MKLN1: variants seen among roughly 807,000 people sequenced by gnomAD.
MKLN1 encodes the protein muskelin 1, also known as muskelin.
Under a neutral mutation model 99.0 loss-of-function variants are expected in MKLN1, and 18 were observed. The observed-to-expected ratio is 0.18, with a 90% CI of 0.13 to 0.27. The LOEUF is 0.27. Ranked by LOEUF, MKLN1 falls within the 10% of genes least tolerant of loss-of-function variation. MKLN1 has a pLI of 1.00. For synonymous variants in MKLN1, 288 were observed against 293.2 expected (o/e 0.98, Z 0.18); for missense variants, 621 against 875.9 (o/e 0.71, Z 3.67).
chr7:131,282,212 G>A (rs571126990), intron 3 of MKLN1, among the ~76,000 whole-genome samples: 20 of 152,166 alleles, frequency 1.3e-4, no homozygotes, highest in Admixed American at 7.2e-4. Context: ...AGCTGGGCAT[G>A]GTGGCGCATG....
intron 17 of MKLN1, among the ~76,000 whole-genome samples, chr7:131,486,459 C>A (rs1054417926): frequency 6.6e-6 from 1 of 152,050 alleles, no homozygotes; most frequent in Non-Finnish European, 1.5e-5. Flanking sequence ...ATGTGCTGTT[C>A]TTGAGGTATT....
Position 131,492,220 on chromosome 7 carries a change from T to C in MKLN1, c.*4492T>C, listed in dbSNP as rs1797442525. ...TCCATTTACCTTTTGTCTTTTCTTT[T>C]TATTGTATTTTTTAACCTTTTTGTT... On this transcript the variant is annotated 3_prime_UTR_variant, in exon 18 of 18. Coordinates refer to ENST00000352689, the MANE Select transcript of MKLN1 (RefSeq NM_013255.5). 6.6e-6 allele frequency: 1 copy of C among 152,182 alleles called. No individual in the cohort carries two copies. The highest frequency in any genetic ancestry group is 2.1e-4 in the South Asian group (1 of 4,826). The allele number at this position is 152,182 out of a possible 1,614,324, so 9.4% of individuals were successfully genotyped here. A position where few individuals can be genotyped will look rare whatever the true frequency, so the allele number is the denominator to read the frequency against.
chr7:131,225,070 CAAAA>C (rs151006219), intron 3 of MKLN1, among the ~76,000 whole-genome samples: 3 of 102,570 alleles, frequency 2.9e-5, no homozygotes, highest in African/African-American at 7.2e-5. Flanking sequence ...GACTGTGTCT[CAAAA>C]AAAAAAAAAA....
chr7:131,282,627 CCTT>C (rs1156672780), intron 3 of MKLN1, among the ~76,000 whole-genome samples: 4 of 151,952 alleles, frequency 2.6e-5, no homozygotes, highest in Admixed American at 6.6e-5. Context: ...TCCTTCCCTT[CCTT>C]CTTTCTCCCC....
At chr7:131,188,373 T>C (rs1796483754) in intron 2 of MKLN1, among the ~76,000 whole-genome samples, 1 of 152,280 alleles carries the variant, frequency 6.6e-6, no homozygotes. Context: ...TGAGAGGTTC[T>C]GCTGATCTGG....
intron 4 of MKLN1, among the ~76,000 whole-genome samples, chr7:131,396,709 A>G (rs1794373158): frequency 6.6e-6 from 1 of 152,206 alleles, no homozygotes; most frequent in Non-Finnish European, 1.5e-5. Flanking sequence ...TTATATTAAT[A>G]TAGCTCCTAT....
At chr7:131,467,099 C>T (rs918355364) in intron 15 of MKLN1, among the ~76,000 whole-genome samples, 18 of 152,112 alleles carry the variant, frequency 1.2e-4, no homozygotes, top group African/African-American at 4.3e-4. Context: ...TGCTTATAAT[C>T]CCAGCACTTT....
At chr7:131,364,187 GT>G (rs1477540331) in intron 1 of MKLN1, among the ~76,000 whole-genome samples, 1 of 151,962 alleles carries the variant, frequency 6.6e-6, no homozygotes, top group African/African-American at 2.4e-5. Context: ...TTGAATTATA[GT>G]CTTTTAAGAA....
chr7:131,297,168 T>C (rs536529922), intron 3 of MKLN1, among the ~76,000 whole-genome samples: 5 of 152,228 alleles, frequency 3.3e-5, no homozygotes, highest in Admixed American at 3.3e-4. Context: ...GAGAACAGCC[T>C]AGCTAACACG....
chr7:131,357,906 C>T lies in MKLN1; in HGVS notation c.99-17518C>T, dbSNP rs113293045. The stretch of plus-strand genomic sequence containing the variant: ...TTCGGGGGTTTTGTTTCTTTTAGTC[C>T]CTCTCATTAACCTTATATCCTGAAA... On this transcript the variant is annotated intron_variant, in intron 1 of 17. Coordinates refer to ENST00000352689, the MANE Select transcript of MKLN1 (RefSeq NM_013255.5). Among the ~76,000 whole-genome samples the T allele has an allele frequency of 4.9e-3, 744 of 152,102 alleles. 6 individuals are homozygous for T. The highest frequency in any genetic ancestry group is 0.017 in the African/African-American group (710 of 41,476).
intron 12 of MKLN1, among the ~76,000 whole-genome samples, chr7:131,448,072 C>T (rs1360906359): frequency 6.6e-6 from 1 of 152,004 alleles, no homozygotes; most frequent in Non-Finnish European, 1.5e-5. Flanking sequence ...ACTAAAAATA[C>T]AAAAAATTAG....
intron 3 of MKLN1, among the ~76,000 whole-genome samples, chr7:131,260,279 A>G (rs970168819): frequency 9.2e-5 from 14 of 152,092 alleles, no homozygotes; most frequent in Non-Finnish European, 1.6e-4. Context: ...TCCTGAGCTC[A>G]AGCAATCCAT....
intron 1 of MKLN1, among the ~76,000 whole-genome samples, chr7:131,131,051 C>CAAAAAA (rs35397071): frequency 3.1e-5 from 2 of 65,326 alleles, no homozygotes; most frequent in African/African-American, 6.7e-5. Context: ...GACCCTGTCT[C>CAAAAAA]AAAAAAAAAA....
chr7:131,153,669 T>TTG (rs1226529089), intron 2 of MKLN1, among the ~76,000 whole-genome samples: 2 of 147,844 alleles, frequency 1.4e-5, no homozygotes, highest in Non-Finnish European at 3.0e-5. Flanking sequence ...TTTTGGTTTT[T>TTG]TTTTTTTTTT....
At chr7:131,211,188 A>G (rs1239976179) in intron 3 of MKLN1, among the ~76,000 whole-genome samples, 3 of 152,174 alleles carry the variant, frequency 2.0e-5, no homozygotes, top group Admixed American at 6.5e-5. Context: ...GCTGATAAAA[A>G]TCAGCAACTA....
At chr7:131,464,001 A>T (rs191595103) in intron 13 of MKLN1, among the ~76,000 whole-genome samples, 1 of 152,354 alleles carries the variant, frequency 6.6e-6, no homozygotes, top group African/African-American at 2.4e-5. Flanking sequence ...TATTGTGCAT[A>T]CATAGACAAG....
At chr7:131,167,630 C>A (rs1245211818) in intron 2 of MKLN1, among the ~76,000 whole-genome samples, 2 of 148,026 alleles carry the variant, frequency 1.4e-5, no homozygotes, top group African/African-American at 5.0e-5. Context: ...TGTTATGGGA[C>A]CACTGCACTC....
intron 12 of MKLN1, among the ~76,000 whole-genome samples, chr7:131,461,075 G>A (rs1179276916): frequency 6.6e-6 from 1 of 152,064 alleles, no homozygotes; most frequent in African/African-American, 2.4e-5. Flanking sequence ...ATCCTCAGAT[G>A]CTCAAGTCCG....
At chr7:131,354,414 G>A (rs1441451164) in intron 1 of MKLN1, among the ~76,000 whole-genome samples, 10 of 150,668 alleles carry the variant, frequency 6.6e-5, no homozygotes, top group Admixed American at 6.6e-4. Context: ...TTTTAATCTT[G>A]GGTTTCACAT....
Sources: gnomAD v4.1 joint callset for allele counts (sites outside exome capture counted in the v4.1 genomes callset) on GRCh38, gnomAD v4.1.1 for gene constraint, MANE v1.5 for transcripts, NCBI Gene and HGNC (gene_info 2026-07-23, HGNC 2026-07-21) for gene names.